Variants in CHCHD2 observed in about 807,000 individuals in gnomAD.
The protein encoded by CHCHD2 is coiled-coil-helix-coiled-coil-helix domain-containing protein 2.
CHCHD2 carries 17 observed loss-of-function variants against 17.5 expected under a neutral mutation model. The ratio of observed to expected loss-of-function variants is 0.97; its 90% CI spans 0.67 to 1.46. CHCHD2 has a LOEUF of 1.46. Among genes scored for constraint, CHCHD2 ranks in the 40% most tolerant of loss-of-function variants. The pLI is 0.00. For missense variants in CHCHD2, 175 were observed against 199.9 expected, an observed-to-expected ratio of 0.88 and a Z score of 0.75; for synonymous variants, 63 against 74.3, an observed-to-expected ratio of 0.85 and a Z score of 0.78.
chr7:56,105,408 G>A (rs1163131180), intron 1 of CHCHD2, among the ~76,000 whole-genome samples: 3 of 152,182 alleles, frequency 2.0e-5, no homozygotes, highest in African/African-American at 4.8e-5. Flanking sequence ...ACTACAAGGC[G>A]CTGGTAATGT....
chr7:56,103,076 A>T (rs1785318258), intron 2 of CHCHD2, 65 bp from the exon 3 acceptor site: 3 of 1,559,728 alleles, frequency 1.9e-6, no homozygotes, highest in Non-Finnish European at 2.6e-6. Context: ...GACAATGAAG[A>T]GTATCCATCC....
chr7:56,106,447 G>C lies in CHCHD2; in HGVS notation c.-34C>G, dbSNP rs816407. On this transcript the variant is annotated 5_prime_UTR_variant, in exon 1 of 4. Transcript: ENST00000395422. ...AGCGACGGCTAGGCCTCCGGACGTG[G>C]GACAACCACCGAAGAGCTAAGCGAC... 4 of 1,611,156 alleles carry C rather than the reference G, an allele frequency of 2.5e-6. No homozygotes were observed. The highest frequency in any genetic ancestry group is 2.5e-6 in the Non-Finnish European group (3 of 1,177,912).
intron 1 of CHCHD2, among the ~76,000 whole-genome samples, chr7:56,104,830 C>T (rs1443042600): frequency 1.3e-5 from 2 of 152,142 alleles, no homozygotes; most frequent in Admixed American, 1.3e-4. Context: ...GGCTGGTCTC[C>T]AGCTCCTGAC....
chr7:56,101,962 A>G (rs1785292220), intron 3 of CHCHD2, 101 bp from the exon 4 acceptor site: 1 of 1,174,722 alleles, frequency 8.5e-7, no homozygotes, highest in South Asian at 1.3e-5. Flanking sequence ...GGCCAAGGCT[A>G]TGGGTTTTTT....
rs746067429 is a variant in CHCHD2, at chr7:56,104,463, C to T, written c.63G>A (p.Gln21=). 14 of 1,584,636 alleles carry T rather than the reference C, an allele frequency of 8.8e-6. No homozygotes were observed. Among genetic ancestry groups the T allele is most frequent in the African/African-American group, 1.3e-5 (1 of 74,328 alleles). The change falls in exon 2 of 4, where the codon CAG becomes CAA. Residue 21 remains glutamine (Q), a synonymous_variant. Coordinates refer to ENST00000395422, the MANE Select transcript of CHCHD2 (RefSeq NM_016139.4). The stretch of plus-strand genomic sequence containing the variant: ...GTGCTGGCCTGGGTGCAGCTCTCAT[C>T]TGAGGGGCCCGGCTGTGAAAGAAAA... The part of the protein sequence containing the change: ...RMAPPASRAP[Q]MRAAPRPAPV...
intron 1 of CHCHD2, among the ~76,000 whole-genome samples, chr7:56,104,682 A>G (rs1323107395): frequency 6.6e-6 from 1 of 150,816 alleles, no homozygotes; most frequent in Non-Finnish European, 1.5e-5. Flanking sequence ...ATCTCAGCTC[A>G]CTGCAACCTC....
chr7:56,101,966 G>A, intron 3 of CHCHD2, 105 bp from the exon 4 acceptor site: 1 of 1,034,140 alleles, frequency 9.7e-7, no homozygotes, highest in Non-Finnish European at 1.5e-6. Context: ...AAGGCTATGG[G>A]TTTTTTGTTT....
At position 56,101,655 on chromosome 7, in the gene CHCHD2, C is replaced by T. The variant is rs1449074397; in HGVS notation, c.*196G>A. On this transcript the variant is annotated 3_prime_UTR_variant, in exon 4 of 4. Coordinates refer to ENST00000395422, the MANE Select transcript of CHCHD2 (RefSeq NM_016139.4). ...AGCTAGTTTAAGGAGGCCACACAAA[C>T]ATTTGCCCAGTCCCAGATTCTACAG... 1 of 527,546 alleles carries T rather than the reference C, an allele frequency of 1.9e-6. No individual in the cohort carries two copies. The highest frequency in any genetic ancestry group is 3.4e-6 in the Non-Finnish European group (1 of 290,824). 32.7% of individuals were successfully genotyped at this position (527,546 alleles called of 1,614,324 possible).
Position 56,101,859 on chromosome 7 carries a change from A to G in CHCHD2, c.448T>C (p.Leu150=). The G allele has an allele frequency of 6.2e-7, 1 of 1,613,130 alleles. No individual in the cohort carries two copies. Among genetic ancestry groups the G allele is most frequent in the African/African-American group, 1.3e-5 (1 of 75,006 alleles). Residue 150 remains leucine, a splice_region_variant and synonymous_variant, in exon 4 of 4, where the codon TTG becomes CTG. Transcript: ENST00000395422. ...CAGGTTGAACTTCTTCATTAGGCCA[A>G]TCCTGCAAACAGAAAAGATTAAGTT... ...VLKQCRLANG[L]A
chr7:56,104,797 C>T (rs553180570), intron 1 of CHCHD2, among the ~76,000 whole-genome samples: 3 of 151,984 alleles, frequency 2.0e-5, no homozygotes, highest in South Asian at 2.1e-4. Context: ...TTAGTTGAGA[C>T]GAGGTTTCAC....
Position 56,104,435 on chromosome 7 carries a change from C to T in CHCHD2, c.91G>A (p.Val31Ile), listed in dbSNP as rs1785347588. The change falls in exon 2 of 4, where the codon GTC (valine) becomes ATC (isoleucine). Residue 31 changes from valine to isoleucine, a missense_variant. Transcript: ENST00000395422. ...QMRAAPRPAP[V>I]AQPPAAAPPS... is the part of the protein sequence containing the mutation. ...GGTGCCGCTGCTGGTGGCTGAGCGA[C>T]TGGTGCTGGCCTGGGTGCAGCTCTC... 2 of 1,609,550 alleles carry T rather than the reference C, an allele frequency of 1.2e-6. No individual in the cohort carries two copies. Among genetic ancestry groups the T allele is most frequent in the Admixed American group, 3.4e-5 (2 of 59,528 alleles).
chr7:56,102,785 T>TA (rs1785310414), intron 3 of CHCHD2, 82 bp downstream of exon 3: 1 of 1,452,268 alleles, frequency 6.9e-7, no homozygotes, highest in African/African-American at 1.4e-5. Flanking sequence ...TCTAATTTAT[T>TA]AAACACAGAT....
intron 3 of CHCHD2, among the ~76,000 whole-genome samples, chr7:56,102,336 G>T (rs1785299757): frequency 1.4e-5 from 2 of 147,630 alleles, no homozygotes; most frequent in South Asian, 2.1e-4. Flanking sequence ...CTGGCATACT[G>T]ATTTATACCT....
In CHCHD2 at chr7:56,102,962, T is replaced by G; in HGVS notation, c.350A>C (p.Glu117Ala). The G allele has an allele frequency of 6.2e-7, 1 of 1,614,188 alleles. No homozygotes were observed. Among genetic ancestry groups the G allele is most frequent in the Non-Finnish European group, 8.5e-7 (1 of 1,180,030 alleles). ...PAQQQQPCLYEIKQFLECAQN... is the reference protein window; with the variant it reads ...PAQQQQPCLYAIKQFLECAQN... Reference sequence around the variant, plus strand: ...GGCACACTCCAGAAACTGTTTGATCTCATAGAGGCAAGGCTGCTGCTGCTG... The same window carrying G: ...GGCACACTCCAGAAACTGTTTGATCGCATAGAGGCAAGGCTGCTGCTGCTG... The change falls in exon 3 of 4, where the codon GAG becomes GCG. Residue 117 changes from glutamate to alanine, a missense_variant. By Grantham distance (107) the Glu-to-Ala change is moderately radical. Coordinates refer to ENST00000395422, the MANE Select transcript of CHCHD2 (RefSeq NM_016139.4).
chr7:56,106,425 G>A lies in CHCHD2; in HGVS notation c.-12C>T, dbSNP rs112876794. On this transcript the variant is annotated 5_prime_UTR_variant, in exon 1 of 4. Coordinates refer to ENST00000395422, the MANE Select transcript of CHCHD2 (RefSeq NM_016139.4). ...CTTCCACGCGGCATCCTAGGTAAGC[G>A]ACGGCTAGGCCTCCGGACGTGGGAC... 9.9e-4 allele frequency: 1,601 copies of A among 1,613,144 alleles called. 6 individuals are homozygous for A. The highest frequency in any genetic ancestry group is 1.2e-3 in the Non-Finnish European group (1,462 of 1,179,436).
intron 3 of CHCHD2, chr7:56,102,547 T>C (rs768625217): frequency 1.4e-5 from 3 of 219,500 alleles, no homozygotes; most frequent in Non-Finnish European, 2.8e-5. Flanking sequence ...TTTGTATTTT[T>C]AGTACAGATG....
At position 56,104,497 on chromosome 7, in the gene CHCHD2, C is replaced by T. The variant is rs763256748; in HGVS notation, c.51-22G>A. On this transcript the variant is annotated intron_variant, in intron 1 of 3. Coordinates refer to ENST00000395422, the MANE Select transcript of CHCHD2 (RefSeq NM_016139.4). Reference sequence around the variant, plus strand: ...CCGGCTGTGAAAGAAAAGAAAAAAACATCAAGTTCCCAATTCCAACCAGTT... The same window carrying T: ...CCGGCTGTGAAAGAAAAGAAAAAAATATCAAGTTCCCAATTCCAACCAGTT... 5.9e-6 allele frequency: 9 copies of T among 1,527,498 alleles called. No individual in the cohort carries two copies. The African/African-American group carries it at 8.3e-5, about 14-fold the overall frequency. The allele number at this position is 1,527,498 out of a possible 1,614,324, so 94.6% of individuals were successfully genotyped here.
At chr7:56,102,348 C>T (rs997278336) in intron 3 of CHCHD2, among the ~76,000 whole-genome samples, 2 of 145,120 alleles carry the variant, frequency 1.4e-5, no homozygotes, top group South Asian at 4.4e-4. Flanking sequence ...TTTATACCTT[C>T]TTTTTTTTTT....
Position 56,104,317 on chromosome 7 carries a change from G to A in CHCHD2, c.209C>T (p.Ser70Phe). 6.2e-7 allele frequency: 1 copy of A among 1,613,818 alleles called. No individual in the cohort carries two copies. Among genetic ancestry groups the A allele is most frequent in the Non-Finnish European group, 8.5e-7 (1 of 1,179,758 alleles). Residue 70 changes from serine (S) to phenylalanine (F), a missense_variant, in exon 2 of 4, where the codon TCT becomes TTT. By Grantham distance (155) the Ser-to-Phe change is radical (BLOSUM62 -2). Transcript: ENST00000395422. ...ATTAAGVAVG[S>F]AVGHTLGHAI... ...GTGACCCAATGTGTGCCCCACAGCA[G>A]AGCCCACAGCCACGCCAGCTGCAGT...
Sources: gnomAD v4.1 joint callset for allele counts (sites outside exome capture counted in the v4.1 genomes callset) on GRCh38, gnomAD v4.1.1 for gene constraint, MANE v1.5 for transcripts, NCBI Gene and HGNC (gene_info 2026-07-23, HGNC 2026-07-21) for gene names.